The following EIF4G3 variants were observed in gnomAD, a reference collection of about 807,000 sequenced individuals.
EIF4G3 encodes the protein eIF-4-gamma 3.
Under a neutral mutation model 186.4 loss-of-function variants are expected in EIF4G3, and 34 were observed. The observed-to-expected ratio is 0.18, with a 90% CI of 0.14 to 0.24. The LOEUF (loss-of-function observed/expected upper bound fraction) is 0.24. Among genes scored for constraint, EIF4G3 ranks in the 10% least tolerant of loss-of-function variants. The probability of loss-of-function intolerance (pLI) is 1.00; values close to 1 mark genes in which losing one functional copy is unlikely to be tolerated. For synonymous variants in EIF4G3, 673 were observed against 679.5 expected (o/e 0.99, Z 0.15); for missense variants, 1,536 against 1,948.5 (o/e 0.79, Z 3.99).
Position 21,136,416 on chromosome 1 carries a change from C to A in EIF4G3, c.-272+39759G>T, listed in dbSNP as rs537139027. ...CCTGTAATCCCAGCTACTCTGGAGG[C>A]TGAGGCAGGAGAATTGCTTTAACCT... On this transcript the variant is annotated intron_variant, in intron 2 of 36. Transcript: ENST00000602326. Among the ~76,000 whole-genome samples, 21 of 151,892 alleles carry A rather than the reference C, an allele frequency of 1.4e-4. No individual in the cohort carries two copies. The South Asian group carries it at 2.9e-3, about 21-fold the overall frequency.
chr1:20,871,428 C>A (rs2079164619), intron 20 of EIF4G3, among the ~76,000 whole-genome samples: 1 of 152,152 alleles, frequency 6.6e-6, no homozygotes, highest in South Asian at 2.1e-4. Context: ...GGCCTCCAGA[C>A]ACTGCCAAAT....
At chr1:20,904,209 G>A (rs1308490956) in intron 15 of EIF4G3, among the ~76,000 whole-genome samples, 1 of 152,050 alleles carries the variant, frequency 6.6e-6, no homozygotes, top group Non-Finnish European at 1.5e-5. Flanking sequence ...CCTTTATAAT[G>A]TACTAGATGA....
At chr1:21,067,110 ATT>A (rs2095269929) in intron 3 of EIF4G3, among the ~76,000 whole-genome samples, 1 of 150,724 alleles carries the variant, frequency 6.6e-6, no homozygotes, top group Admixed American at 6.6e-5. Flanking sequence ...GTAAATACAT[ATT>A]AAGTAATTTT....
chr1:21,072,681 C>A (rs2095479492), intron 3 of EIF4G3, among the ~76,000 whole-genome samples: 1 of 151,996 alleles, frequency 6.6e-6, no homozygotes, highest in Non-Finnish European at 1.5e-5. Flanking sequence ...GGATTACAGG[C>A]GTGAGCCACC....
At chr1:20,938,261 C>A (rs1485969662) in intron 14 of EIF4G3, among the ~76,000 whole-genome samples, 3 of 152,182 alleles carry the variant, frequency 2.0e-5, no homozygotes, top group Admixed American at 2.0e-4. Context: ...TCCCAAAGTG[C>A]TGGGATTACA....
At chr1:20,840,768 C>A in intron 30 of EIF4G3, 88 bp downstream of exon 30, 2 of 1,262,464 alleles carry the variant, frequency 1.6e-6, no homozygotes, top group African/African-American at 1.5e-5. Context: ...ATGGAAAAAA[C>A]TAAATACTTA....
intron 2 of EIF4G3, among the ~76,000 whole-genome samples, chr1:21,135,923 C>T (rs977054692): frequency 1.3e-5 from 2 of 152,216 alleles, no homozygotes; most frequent in Admixed American, 1.3e-4. Flanking sequence ...GTGGCTCACG[C>T]CTGTAATCCC....
intron 35 of EIF4G3, among the ~76,000 whole-genome samples, chr1:20,811,146 G>A (rs899573205): frequency 6.6e-6 from 1 of 151,538 alleles, no homozygotes; most frequent in African/African-American, 2.4e-5. Flanking sequence ...CAGAGACAGG[G>A]TTTCACCATG....
chr1:21,050,840 A>AT (rs1239122785), intron 4 of EIF4G3, 26 bp downstream of exon 4: 3 of 689,292 alleles, frequency 4.4e-6, no homozygotes, highest in Admixed American at 2.5e-5. Flanking sequence ...GACATTTCTT[A>AT]TTTTTTTAAA....
At chr1:20,984,071 A>C (rs2078874893) in intron 7 of EIF4G3, among the ~76,000 whole-genome samples, 1 of 152,224 alleles carries the variant, frequency 6.6e-6, no homozygotes, top group Non-Finnish European at 1.5e-5. Context: ...GTAACTTTGA[A>C]GTAAAAACAG....
chr1:20,924,982 C>T (rs766753235), intron 14 of EIF4G3, among the ~76,000 whole-genome samples: 3 of 152,258 alleles, frequency 2.0e-5, no homozygotes, highest in Middle Eastern at 3.4e-3. Context: ...TCACAACAAA[C>T]GAGGAAAAAC....
chr1:20,830,864 T>C (rs529584410), intron 30 of EIF4G3, among the ~76,000 whole-genome samples: 3 of 152,320 alleles, frequency 2.0e-5, no homozygotes, highest in Non-Finnish European at 4.4e-5. Context: ...CTTATTTTTT[T>C]TTCAGGTTTA....
In EIF4G3 at chr1:20,923,809, C is replaced by CTATATATATA. The variant is rs10587649; in HGVS notation, c.1663+17672_1663+17681dup. Among the ~76,000 whole-genome samples, 139 of 143,910 alleles carry CTATATATATA rather than the reference C, an allele frequency of 9.7e-4. 3 individuals carry two copies. The East Asian group carries it at 0.015, about 16-fold the overall frequency. 94.4% of individuals were successfully genotyped at this position (143,910 alleles called of 152,430 possible). On this transcript the variant is annotated intron_variant, in intron 14 of 36. Coordinates refer to ENST00000602326, the MANE Select transcript of EIF4G3 (RefSeq NM_001391906.1). ...CCTCCTCTCTTCACCTTACCCATCCCTATATATATATATATATATATATAT... is the reference window on the plus strand; with the variant it reads ...CCTCCTCTCTTCACCTTACCCATCCCTATATATATATATATATATATATATATATATATAT...
intron 4 of EIF4G3, among the ~76,000 whole-genome samples, chr1:21,004,981 GGCA>G (rs1445130682): frequency 6.6e-6 from 1 of 151,890 alleles, no homozygotes; most frequent in African/African-American, 2.4e-5. Context: ...CTAAAAATAT[GGCA>G]GCAAAGTATC....
intron 2 of EIF4G3, among the ~76,000 whole-genome samples, chr1:21,120,129 A>G (rs1477936311): frequency 6.7e-6 from 1 of 150,206 alleles, no homozygotes; most frequent in African/African-American, 2.5e-5. Context: ...TTATTTTCGC[A>G]CAATGGAGAA....
At position 20,916,734 on chromosome 1, in the gene EIF4G3, C is replaced by T. The variant is rs114197119; in HGVS notation, c.1664-11763G>A. Among the ~76,000 whole-genome samples the T allele has an allele frequency of 8.0e-3, 1,222 of 152,068 alleles. 16 individuals carry two copies. Among genetic ancestry groups the T allele is most frequent in the African/African-American group, 0.028 (1,144 of 41,484 alleles). On this transcript the variant is annotated intron_variant, in intron 14 of 36. Coordinates refer to ENST00000602326, the MANE Select transcript of EIF4G3 (RefSeq NM_001391906.1). ...TATTACAAAGCTTCTTTATCACGAC[C>T]GTGTGGTATGAGCAACAAGAAAAGA...
At chr1:21,125,771 T>TATAC (rs1269380088) in intron 2 of EIF4G3, among the ~76,000 whole-genome samples, 2 of 146,168 alleles carry the variant, frequency 1.4e-5, no homozygotes, top group African/African-American at 5.1e-5. Flanking sequence ...TATATATATA[T>TATAC]ACACACACAC....
intron 14 of EIF4G3, among the ~76,000 whole-genome samples, chr1:20,931,057 G>A (rs1044342362): frequency 6.6e-6 from 1 of 151,666 alleles, no homozygotes; most frequent in African/African-American, 2.4e-5. Context: ...ATTTGGTGGA[G>A]AATAAATTTG....
chr1:21,069,448 C>A (rs904690790), intron 3 of EIF4G3, among the ~76,000 whole-genome samples: 1 of 152,170 alleles, frequency 6.6e-6, no homozygotes, highest in South Asian at 2.1e-4. Context: ...CTCTTAAAGA[C>A]AAGGATCATA....
Sources: gnomAD v4.1 joint callset for allele counts (sites outside exome capture counted in the v4.1 genomes callset) on GRCh38, gnomAD v4.1.1 for gene constraint, MANE v1.5 for transcripts, NCBI Gene and HGNC (gene_info 2026-07-23, HGNC 2026-07-21) for gene names.